ASTN2: variants seen among roughly 807,000 people sequenced by gnomAD.
The protein encoded by ASTN2 is astrotactin 2.
Under a neutral mutation model 139.8 loss-of-function variants are expected in ASTN2, and 54 were observed. That is an observed-to-expected ratio of 0.39 (90% CI 0.31 to 0.48). The LOEUF is 0.48. Ranked by LOEUF, ASTN2 falls within the 20% of genes least tolerant of loss-of-function variation. The pLI is 0.95. For synonymous variants in ASTN2, 756 were observed against 719.5 expected, an observed-to-expected ratio of 1.05 and a Z score of -0.81; for missense variants, 1,565 against 1,725.1, an observed-to-expected ratio of 0.91 and a Z score of 1.64.
intron 16 of ASTN2, among the ~76,000 whole-genome samples, chr9:116,671,527 C>T (rs1287631335): frequency 6.6e-6 from 1 of 152,064 alleles, no homozygotes; most frequent in African/African-American, 2.4e-5. Context: ...GGGGGAACAA[C>T]TCTAAAATGG....
At chr9:116,676,107 C>A (rs1219614359) in intron 16 of ASTN2, among the ~76,000 whole-genome samples, 3 of 152,154 alleles carry the variant, frequency 2.0e-5, no homozygotes, top group Non-Finnish European at 4.4e-5. Context: ...ACCCCCACAG[C>A]TATAGCACAA....
intron 1 of ASTN2, among the ~76,000 whole-genome samples, chr9:117,409,345 G>C (rs1328069732): frequency 6.6e-6 from 1 of 152,160 alleles, no homozygotes; most frequent in Non-Finnish European, 1.5e-5. Context: ...GCAAAATTGA[G>C]TAAGCACTCA....
chr9:117,314,504 A>T (rs1828074387), intron 1 of ASTN2, among the ~76,000 whole-genome samples: 1 of 151,242 alleles, frequency 6.6e-6, no homozygotes, highest in Admixed American at 6.6e-5. Flanking sequence ...TTTTCTCAAT[A>T]TACCCCCTAC....
chr9:116,528,419 G>A (rs530700067), intron 19 of ASTN2, among the ~76,000 whole-genome samples: 19 of 152,270 alleles, frequency 1.2e-4, no homozygotes, highest in African/African-American at 4.6e-4. Flanking sequence ...TTTTGAAAGT[G>A]TACAGTCATA....
At chr9:116,749,506 T>C (rs986556561) in intron 13 of ASTN2, among the ~76,000 whole-genome samples, 4 of 152,314 alleles carry the variant, frequency 2.6e-5, no homozygotes, top group African/African-American at 7.2e-5. Flanking sequence ...CCACAACCTC[T>C]GGTGGAGTTG....
intron 2 of ASTN2, among the ~76,000 whole-genome samples, chr9:117,241,707 C>T (rs1315148550): frequency 6.6e-6 from 1 of 152,150 alleles, no homozygotes; most frequent in East Asian, 1.9e-4. Flanking sequence ...TCCTAACAGG[C>T]CACAGACTGT....
chr9:117,088,993 G>T (rs1828636750), intron 5 of ASTN2, among the ~76,000 whole-genome samples: 1 of 152,308 alleles, frequency 6.6e-6, no homozygotes, highest in Admixed American at 6.5e-5. Flanking sequence ...CTGTACAGAA[G>T]CTTATCCTGA....
intron 1 of ASTN2, among the ~76,000 whole-genome samples, chr9:117,302,489 C>A (rs533927489): frequency 5.3e-5 from 8 of 152,156 alleles, no homozygotes; most frequent in Admixed American, 1.3e-4. Flanking sequence ...TAGCAGTATG[C>A]GGGACAAGGA....
In ASTN2 at chr9:117,312,473, T is replaced by C. The variant is rs190619455; in HGVS notation, c.443-20960A>G. On this transcript the variant is annotated intron_variant, in intron 1 of 22. Coordinates refer to ENST00000313400, the MANE Select transcript of ASTN2 (RefSeq NM_001365068.1). ...ATTGCTTTGCTTTCACCGGACTTGT[T>C]TTTATAGTAGCCTTCTAATTTTAGT... Among the ~76,000 whole-genome samples, 121 of 152,308 alleles carry C rather than the reference T, an allele frequency of 7.9e-4. 2 individuals carry two copies. The highest frequency in any genetic ancestry group is 1.2e-3 in the Admixed American group (19 of 15,294).
intron 6 of ASTN2, among the ~76,000 whole-genome samples, chr9:117,016,594 A>T (rs7467062): frequency 0.039 from 699 of 18,152 alleles, 15 homozygotes; most frequent in Middle Eastern, 0.12. Context: ...TCTAGGTTTT[A>T]TATATATATC....
intron 13 of ASTN2, among the ~76,000 whole-genome samples, chr9:116,790,599 G>A (rs1197156989): frequency 6.6e-6 from 1 of 151,936 alleles, no homozygotes; most frequent in East Asian, 1.9e-4. Flanking sequence ...GCCTCTCACT[G>A]AGCAAAATGC....
intron 11 of ASTN2, among the ~76,000 whole-genome samples, chr9:116,838,197 C>T (rs1564295836): frequency 6.7e-6 from 1 of 150,288 alleles, no homozygotes; most frequent in Non-Finnish European, 1.5e-5. Context: ...ACAAGCTCTG[C>T]CTCCCAGGTT....
intron 4 of ASTN2, among the ~76,000 whole-genome samples, chr9:117,130,896 A>C (rs915756173): frequency 1.3e-5 from 2 of 152,156 alleles, no homozygotes; most frequent in Non-Finnish European, 2.9e-5. Context: ...CTCCCTGAGC[A>C]CCTATTTGTG....
intron 5 of ASTN2, among the ~76,000 whole-genome samples, chr9:117,044,109 G>T (rs1039726880): frequency 3.9e-5 from 6 of 152,034 alleles, no homozygotes; most frequent in Non-Finnish European, 5.9e-5. Context: ...GTAGGCCCTT[G>T]GTAAATAATT....
chr9:117,002,175 G>C (rs1222541506), intron 7 of ASTN2, among the ~76,000 whole-genome samples: 1 of 152,146 alleles, frequency 6.6e-6, no homozygotes, highest in East Asian at 1.9e-4. Flanking sequence ...TATGATCTCT[G>C]GCCCTAAGGA....
At chr9:117,306,057 T>A (rs1450939545) in intron 1 of ASTN2, among the ~76,000 whole-genome samples, 1 of 152,218 alleles carries the variant, frequency 6.6e-6, no homozygotes, top group African/African-American at 2.4e-5. Flanking sequence ...GATACATCCT[T>A]TGAATATCCT....
intron 19 of ASTN2, chr9:116,568,936 C>T (rs1853371945): frequency 6.6e-6 from 1 of 151,966 alleles, no homozygotes; most frequent in Admixed American, 6.6e-5. Flanking sequence ...AAGGTGAGGC[C>T]TTTTTTTACT....
intron 1 of ASTN2, among the ~76,000 whole-genome samples, chr9:117,408,177 G>C (rs556141884): frequency 6.6e-6 from 1 of 151,504 alleles, no homozygotes; most frequent in East Asian, 2.0e-4. Flanking sequence ...GGAGAGGAAA[G>C]AGTGTCCCCC....
chr9:117,114,408 A>G (rs947918765), intron 4 of ASTN2, among the ~76,000 whole-genome samples: 1 of 152,280 alleles, frequency 6.6e-6, no homozygotes, highest in African/African-American at 2.4e-5. Flanking sequence ...TTTATCAGAA[A>G]TTGTGTTTTT....
Sources: gnomAD v4.1 joint callset for allele counts (sites outside exome capture counted in the v4.1 genomes callset) on GRCh38, gnomAD v4.1.1 for gene constraint, MANE v1.5 for transcripts, NCBI Gene and HGNC (gene_info 2026-07-23, HGNC 2026-07-21) for gene names.